Variants in IGF2R observed in about 807,000 individuals in gnomAD.
IGF2R encodes cation-independent mannose-6-phosphate receptor.
In IGF2R, 91 loss-of-function variants were observed where a neutral mutation model predicts 270.6. The ratio of observed to expected loss-of-function variants is 0.34; its 90% CI spans 0.28 to 0.40. IGF2R has a LOEUF of 0.40. Ranked by LOEUF, IGF2R falls within the 10% of genes least tolerant of loss-of-function variation. The probability of loss-of-function intolerance (pLI) is 1.00; values close to 1 mark genes in which losing one functional copy is unlikely to be tolerated. For synonymous variants in IGF2R, 1,316 were observed against 1,258.9 expected (o/e 1.05, Z -0.96); for missense variants, 2,805 against 3,188.3 (o/e 0.88, Z 2.90).
At chr6:160,087,944 G>C in intron 41 of IGF2R, 89 bp from the exon 42 acceptor site, 1 of 779,038 alleles carries the variant, frequency 1.3e-6, no homozygotes, top group Non-Finnish European at 2.3e-6. Context: ...CCAAAGTGTT[G>C]GAATTGACAG....
Position 160,109,596 on chromosome 6 carries a change from G to C in IGF2R, c.*4512G>C, listed in dbSNP as rs1007649102. Reference sequence around the variant, plus strand: ...GGACGGTACTGCCAGCTAAGCCTTAGTGCTGTTTCGGTGTTGACAGCTGTC... The same window carrying C: ...GGACGGTACTGCCAGCTAAGCCTTACTGCTGTTTCGGTGTTGACAGCTGTC... On this transcript the variant is annotated 3_prime_UTR_variant, in exon 48 of 48. Transcript: ENST00000356956. The C allele has an allele frequency of 5.9e-5, 9 of 152,198 alleles. No homozygotes were observed. Among genetic ancestry groups the C allele is most frequent in the African/African-American group, 1.9e-4 (8 of 41,432 alleles). 9.4% of individuals were successfully genotyped at this position (152,198 alleles called of 1,614,324 possible). A position where few individuals can be genotyped will look rare whatever the true frequency, so the allele number is the denominator to read the frequency against.
intron 43 of IGF2R, among the ~76,000 whole-genome samples, chr6:160,089,456 C>T (rs1779170170): frequency 6.6e-6 from 1 of 152,238 alleles, no homozygotes; most frequent in South Asian, 2.1e-4. Context: ...GGTGAATTCT[C>T]ATGAGTGTAA....
chr6:160,072,859 G>A lies in IGF2R; in HGVS notation c.4665G>A (p.Glu1555=), dbSNP rs1412618922. 1.2e-6 allele frequency: 2 copies of A among 1,613,908 alleles called. No individual in the cohort carries two copies. The highest frequency in any genetic ancestry group is 2.2e-5 in the South Asian group (2 of 91,044). The stretch of plus-strand genomic sequence containing the variant: ...TGGTTTACATGAGCATCTGTGGGGA[G>A]AATGAAAACTGCCCTCCTGGCGTGG... ...KGLVYMSICG[E]NENCPPGVGA... The change falls in exon 33 of 48, where the codon GAG becomes GAA. Residue 1555 remains glutamate, a synonymous_variant. Coordinates refer to ENST00000356956, the MANE Select transcript of IGF2R (RefSeq NM_000876.4).
intron 5 of IGF2R, among the ~76,000 whole-genome samples, chr6:160,025,805 A>T (rs8191751): frequency 6.6e-6 from 1 of 152,202 alleles, no homozygotes; most frequent in South Asian, 2.1e-4. Context: ...TATAGAGTTG[A>T]TGAGTTGTAG....
chr6:160,044,238 G>T (rs1473592615), intron 12 of IGF2R, among the ~76,000 whole-genome samples: 1 of 152,206 alleles, frequency 6.6e-6, no homozygotes, highest in South Asian at 2.1e-4. Flanking sequence ...CCCTGGAAGG[G>T]CATTGTGCAT....
chr6:160,062,428 TC>T, intron 25 of IGF2R, 103 bp from the exon 26 acceptor site: 1 of 830,988 alleles, frequency 1.2e-6, no homozygotes, highest in South Asian at 1.4e-5. Flanking sequence ...CGTCTCGGCC[TC>T]CCAAAGTGCT....
intron 23 of IGF2R, 70 bp from the exon 24 acceptor site, chr6:160,061,433 G>C (rs1778435867): frequency 9.1e-6 from 13 of 1,435,008 alleles, no homozygotes; most frequent in Non-Finnish European, 1.3e-5. Context: ...GCTTATTTAG[G>C]GTGAAAGGCA....
intron 1 of IGF2R, among the ~76,000 whole-genome samples, chr6:159,976,902 C>G (rs570752156): frequency 6.6e-6 from 1 of 152,294 alleles, no homozygotes; most frequent in African/African-American, 2.4e-5. Flanking sequence ...CTGTTTGGGT[C>G]AAAGTTACTC....
chr6:160,053,687 C>G (rs1778246625), intron 19 of IGF2R, among the ~76,000 whole-genome samples: 1 of 152,056 alleles, frequency 6.6e-6, no homozygotes. Context: ...TCTCTGGTGT[C>G]CTGTATTTAT....
chr6:160,018,507 C>T lies in IGF2R; in HGVS notation c.514-6065C>T, dbSNP rs567528514. 2.1e-3 allele frequency among the ~76,000 whole-genome samples: 316 copies of T among 152,072 alleles called. 1 individual carries two copies. Among genetic ancestry groups the T allele is most frequent in the Admixed American group, 5.9e-3 (90 of 15,284 alleles). ...ATTTATAGAACATTCTCCCCACAGCCGCAGAACATATATTCTTCTCATCAG... is the reference window on the plus strand; with the variant it reads ...ATTTATAGAACATTCTCCCCACAGCTGCAGAACATATATTCTTCTCATCAG... On this transcript the variant is annotated intron_variant, in intron 4 of 47. Transcript: ENST00000356956.
intron 6 of IGF2R, among the ~76,000 whole-genome samples, chr6:160,027,891 A>G (rs987665681): frequency 6.6e-5 from 10 of 151,994 alleles, no homozygotes; most frequent in African/African-American, 2.4e-4. Flanking sequence ...TTTTCTCCCC[A>G]TTCAGAGGCC....
intron 4 of IGF2R, among the ~76,000 whole-genome samples, chr6:160,021,720 CAAAA>C (rs1777439882): frequency 6.7e-6 from 1 of 150,142 alleles, no homozygotes; most frequent in East Asian, 1.9e-4. Context: ...ATTAAAAAGT[CAAAA>C]AACAACAGAT....
At chr6:160,044,424 C>T (rs3822842) in intron 12 of IGF2R, 90 bp from the exon 13 acceptor site, 181,355 of 1,145,904 alleles carry the variant, frequency 0.16, 16,121 homozygotes, top group Admixed American at 0.29. Context: ...CTTTCTTTCT[C>T]TTTCTTTCTT....
Position 160,047,222 on chromosome 6 carries a change from C to G in IGF2R, c.2115C>G (p.Ile705Met). The change falls in exon 16 of 48, where the codon ATC becomes ATG. Residue 705 changes from isoleucine (I) to methionine (M), a missense_variant. This residue lies in a region of IGF2R where 954 missense variants were observed against 981.1 expected (regional missense o/e 0.97). Transcript: ENST00000356956. ...AGCTTTCATATTATGATGGGATGAT[C>G]CAACTGAACTACAGAGGCGGCACAC... ...NAKLSYYDGM[I>M]QLNYRGGTPY... The G allele has an allele frequency of 6.2e-7, 1 of 1,613,982 alleles. No homozygotes were observed. The highest frequency in any genetic ancestry group is 8.5e-7 in the Non-Finnish European group (1 of 1,179,914).
chr6:160,058,419 C>T (rs866580441), intron 21 of IGF2R, among the ~76,000 whole-genome samples: 5 of 152,152 alleles, frequency 3.3e-5, no homozygotes, highest in Non-Finnish European at 7.3e-5. Context: ...CCATTGGTCT[C>T]TCCTTACTGT....
chr6:160,044,028 G>A (rs1403859043), intron 12 of IGF2R, among the ~76,000 whole-genome samples: 2 of 152,190 alleles, frequency 1.3e-5, no homozygotes, highest in African/African-American at 4.8e-5. Flanking sequence ...GAACTAAGAA[G>A]TAAGCGGCCT....
intron 4 of IGF2R, among the ~76,000 whole-genome samples, chr6:160,016,627 C>G (rs947165893): frequency 6.6e-6 from 1 of 152,240 alleles, no homozygotes; most frequent in Non-Finnish European, 1.5e-5. Context: ...CGGCAGGAGA[C>G]AAGCTTTCCA....
At chr6:160,056,044 T>C (rs1030961003) in intron 19 of IGF2R, among the ~76,000 whole-genome samples, 2 of 152,164 alleles carry the variant, frequency 1.3e-5, no homozygotes, top group Non-Finnish European at 2.9e-5. Flanking sequence ...AGGCCATTGT[T>C]GCCCAATCCT....
intron 1 of IGF2R, among the ~76,000 whole-genome samples, chr6:159,984,054 A>G (rs1163992007): frequency 2.0e-5 from 3 of 152,246 alleles, no homozygotes; most frequent in African/African-American, 7.2e-5. Flanking sequence ...TCTGTTGATC[A>G]GCATGATGTG....
Sources: allele counts gnomAD v4.1 joint callset (sites outside exome capture counted in the v4.1 genomes callset), GRCh38; gene constraint gnomAD v4.1.1; regional missense constraint gnomAD v4.1.1; transcripts MANE v1.5; gene names NCBI Gene and HGNC (gene_info 2026-07-23, HGNC 2026-07-21).